Variants in SEMA3E observed in about 807,000 individuals in gnomAD.
SEMA3E encodes semaphorin-3E.
In SEMA3E, 49 loss-of-function variants were observed where a neutral mutation model predicts 93.6. That is an observed-to-expected ratio of 0.52 (90% CI 0.42 to 0.66). SEMA3E has a LOEUF of 0.66. SEMA3E is among the 30% of genes least tolerant of loss of function. SEMA3E has a pLI of 0.00. For missense variants in SEMA3E, 906 were observed against 964.8 expected (o/e 0.94, Z 0.81); for synonymous variants, 363 against 330.7 (o/e 1.10, Z -1.06).
chr7:83,648,182 T>A (rs964383924), intron 1 of SEMA3E, among the ~76,000 whole-genome samples: 2 of 152,204 alleles, frequency 1.3e-5, no homozygotes, highest in Non-Finnish European at 2.9e-5. Context: ...TAAAATCCAA[T>A]GTTTACAGAC....
At chr7:83,446,842 TC>T (rs1184064730) in intron 4 of SEMA3E, among the ~76,000 whole-genome samples, 1 of 152,184 alleles carries the variant, frequency 6.6e-6, no homozygotes, top group Non-Finnish European at 1.5e-5. Context: ...CATTTAACAC[TC>T]CCTTGTGAAG....
chr7:83,625,447 G>C (rs1793650837), intron 1 of SEMA3E, among the ~76,000 whole-genome samples: 1 of 152,032 alleles, frequency 6.6e-6, no homozygotes, highest in South Asian at 2.1e-4. Flanking sequence ...CACATTGCTT[G>C]TAAGCTGTAT....
chr7:83,469,135 G>A, intron 3 of SEMA3E, 108 bp downstream of exon 3: 1 of 848,586 alleles, frequency 1.2e-6, no homozygotes, highest in Non-Finnish European at 2.0e-6. Flanking sequence ...GAACCAAATT[G>A]CATACATACT....
Position 83,648,732 on chromosome 7 carries a change from G to A in SEMA3E, c.-190C>T, listed in dbSNP as rs534001107. 2.0e-5 allele frequency: 13 copies of A among 645,784 alleles called. No individual in the cohort carries two copies. The East Asian group carries it at 3.3e-4, about 16-fold the overall frequency. The allele number at this position is 645,784 out of a possible 1,614,324, so 40.0% of individuals were successfully genotyped here. Reference sequence around the variant, plus strand: ...GCTATGTAAAACCTTTCTTTCCTCGGGACAGTTGTTTATAAGCCGGGAGCA... The same window carrying A: ...GCTATGTAAAACCTTTCTTTCCTCGAGACAGTTGTTTATAAGCCGGGAGCA... On this transcript the variant is annotated 5_prime_UTR_variant, in exon 1 of 17. Coordinates refer to ENST00000643230, the MANE Select transcript of SEMA3E (RefSeq NM_012431.3).
intron 1 of SEMA3E, among the ~76,000 whole-genome samples, chr7:83,643,698 A>G (rs1305520197): frequency 1.3e-5 from 2 of 152,056 alleles, no homozygotes; most frequent in East Asian, 3.8e-4. Context: ...AGCATATTTT[A>G]TATAAAGCAG....
In SEMA3E at chr7:83,392,562, C is replaced by CA; in HGVS notation, c.1659dup (p.Ala554CysfsTer31). 1 of 1,612,762 alleles carries CA rather than the reference C, an allele frequency of 6.2e-7. No individual in the cohort carries two copies. Among genetic ancestry groups the CA allele is most frequent in the Non-Finnish European group, 8.5e-7 (1 of 1,179,534 alleles). ...TCAGGTAGCACGTCTCACCTTTTTG[C>CA]ATGTGTGCCTGTTGGGTAATACCGG... On this transcript the variant is annotated frameshift_variant, in exon 14 of 17. Transcript: ENST00000643230. LOFTEE classifies it high-confidence loss of function.
chr7:83,515,251 T>G (rs117637256), intron 1 of SEMA3E, among the ~76,000 whole-genome samples: 1 of 151,196 alleles, frequency 6.6e-6, no homozygotes, highest in South Asian at 2.1e-4. Flanking sequence ...GGTGCTTTAC[T>G]TTGTGTAGCA....
At chr7:83,623,945 A>G (rs766491530) in intron 1 of SEMA3E, among the ~76,000 whole-genome samples, 6 of 149,932 alleles carry the variant, frequency 4.0e-5, no homozygotes, top group Admixed American at 6.7e-5. Flanking sequence ...TCATTGTTCA[A>G]CTCCCACTTA....
At chr7:83,399,624 A>G (rs940362489) in intron 11 of SEMA3E, among the ~76,000 whole-genome samples, 3 of 152,158 alleles carry the variant, frequency 2.0e-5, no homozygotes, top group Non-Finnish European at 2.9e-5. Context: ...TCTATTGGAA[A>G]CCAACTTTGT....
In SEMA3E at chr7:83,367,472, C is replaced by T; in HGVS notation, c.*114G>A. On this transcript the variant is annotated 3_prime_UTR_variant, in exon 17 of 17. Coordinates refer to ENST00000643230, the MANE Select transcript of SEMA3E (RefSeq NM_012431.3). The stretch of plus-strand genomic sequence containing the variant: ...TTATTATAACACCTTCATAGTCATT[C>T]CTGTATTACAGAAATCTCTTTTAAG... 1 of 1,030,190 alleles carries T rather than the reference C, an allele frequency of 9.7e-7. No homozygotes were observed. The highest frequency in any genetic ancestry group is 1.3e-5 in the South Asian group (1 of 77,622). The allele number at this position is 1,030,190 out of a possible 1,614,324, so 63.8% of individuals were successfully genotyped here.
chr7:83,372,593 A>G (rs1354176744), intron 16 of SEMA3E: 3 of 233,858 alleles, frequency 1.3e-5, no homozygotes, highest in Admixed American at 5.6e-5. Flanking sequence ...ACACTGTATT[A>G]TGTACATATA....
intron 4 of SEMA3E, among the ~76,000 whole-genome samples, chr7:83,419,361 GA>G (rs1201872715): frequency 6.6e-6 from 1 of 152,132 alleles, no homozygotes; most frequent in African/African-American, 2.4e-5. Context: ...ATGAACATAT[GA>G]GTGAGTTAGT....
At chr7:83,524,394 T>C (rs1407325915) in intron 1 of SEMA3E, among the ~76,000 whole-genome samples, 2 of 152,162 alleles carry the variant, frequency 1.3e-5, no homozygotes, top group Non-Finnish European at 2.9e-5. Flanking sequence ...ACCTATCTTA[T>C]ATCAATTTGG....
At chr7:83,453,814 T>C (rs1789415135) in intron 4 of SEMA3E, among the ~76,000 whole-genome samples, 1 of 152,124 alleles carries the variant, frequency 6.6e-6, no homozygotes. Context: ...TAAAGTCTAG[T>C]TTAATATATA....
chr7:83,526,791 T>C (rs1791169088), intron 1 of SEMA3E, among the ~76,000 whole-genome samples: 1 of 152,178 alleles, frequency 6.6e-6, no homozygotes, highest in Non-Finnish European at 1.5e-5. Context: ...AATGTGTATA[T>C]GTTGTCATCT....
rs1210548230 is a variant in SEMA3E at position 83,407,243 on chromosome 7, T to C, written c.671-4A>G. ...TATGAACCTACAAATTTTGGTTCTA[T>C]AGGAGCAAAAAATAGGAGAAAAAGT... On this transcript the variant is annotated splice_polypyrimidine_tract_variant and splice_region_variant and intron_variant, in intron 6 of 16. Coordinates refer to ENST00000643230, the MANE Select transcript of SEMA3E (RefSeq NM_012431.3). The C allele has an allele frequency of 1.9e-6, 3 of 1,611,576 alleles. No individual in the cohort carries two copies. Among genetic ancestry groups the C allele is most frequent in the Non-Finnish European group, 1.7e-6 (2 of 1,178,818 alleles).
chr7:83,433,623 G>A (rs978794915), intron 4 of SEMA3E, among the ~76,000 whole-genome samples: 1 of 151,962 alleles, frequency 6.6e-6, no homozygotes, highest in Admixed American at 6.6e-5. Context: ...CTAAATACTT[G>A]TTGAAATATT....
rs746550123 is a variant in SEMA3E at position 83,627,628 on chromosome 7, C to CTT, written c.115+20798_115+20799dup. Among the ~76,000 whole-genome samples the CTT allele has an allele frequency of 4.5e-3, 294 of 65,322 alleles. 9 individuals are homozygous for CTT. The highest frequency in any genetic ancestry group is 0.017 in the Middle Eastern group (1 of 58). 42.9% of individuals were successfully genotyped at this position (65,322 alleles called of 152,430 possible). On this transcript the variant is annotated intron_variant, in intron 1 of 16. Transcript: ENST00000643230. ...TCAGAGATGAAGATCGCAACCCCTG[C>CTT]TTTTTTTTTTTTTTTTTTTTTTTTG...
intron 1 of SEMA3E, among the ~76,000 whole-genome samples, chr7:83,605,423 A>G (rs1462117203): frequency 6.7e-6 from 1 of 150,326 alleles, no homozygotes; most frequent in African/African-American, 2.5e-5. Flanking sequence ...GGCCGCATAA[A>G]TGTCCTCTCT....
Sources: allele counts gnomAD v4.1 joint callset (sites outside exome capture counted in the v4.1 genomes callset), GRCh38; gene constraint gnomAD v4.1.1; transcripts MANE v1.5; gene names NCBI Gene and HGNC (gene_info 2026-07-23, HGNC 2026-07-21).